GC: variants seen among roughly 807,000 people sequenced by gnomAD.
The protein encoded by GC is vitamin D-binding protein.
In GC, 43 loss-of-function variants were observed where a neutral mutation model predicts 56.7. The ratio of observed to expected loss-of-function variants is 0.76; its 90% CI spans 0.59 to 0.98. GC has a LOEUF of 0.98. Among genes scored for constraint, GC ranks in the 50% least tolerant of loss-of-function variants. The pLI is 0.00. For missense variants in GC, 529 were observed against 545.9 expected (o/e 0.97, Z 0.31); for synonymous variants, 216 against 202.7 (o/e 1.07, Z -0.56).
intron 4 of GC, 31 bp downstream of exon 4, chr4:71,765,401 C>G (rs201670774): frequency 6.4e-7 from 1 of 1,554,360 alleles, no homozygotes; most frequent in East Asian, 2.2e-5. Flanking sequence ...ACTTTAGGTC[C>G]TAAAGTTCTA....
At chr4:71,770,916 G>C (rs1448636835) in intron 1 of GC, among the ~76,000 whole-genome samples, 1 of 152,174 alleles carries the variant, frequency 6.6e-6, no homozygotes, top group Non-Finnish European at 1.5e-5. Context: ...GGAAGAGCTA[G>C]TTACTAATCA....
chr4:71,792,951 G>C (rs1403985450), intron 1 of GC, among the ~76,000 whole-genome samples: 4 of 152,138 alleles, frequency 2.6e-5, no homozygotes, highest in Admixed American at 1.3e-4. Flanking sequence ...TGTCTGGTTT[G>C]TCAAAGATCA....
intron 1 of GC, among the ~76,000 whole-genome samples, chr4:71,774,950 T>A (rs1312983730): frequency 6.6e-6 from 1 of 151,906 alleles, no homozygotes; most frequent in East Asian, 1.9e-4. Context: ...TTCATTATTA[T>A]TCATGCCTGT....
At chr4:71,784,193 T>C, upstream of GC, 2 of 1,306,406 alleles carry the variant, frequency 1.5e-6, no homozygotes, top group East Asian at 3.0e-5. Context: ...GGGGCTGTTA[T>C]CTTTGGCCCA....
intron 1 of GC, among the ~76,000 whole-genome samples, chr4:71,775,115 C>G (rs1236852448): frequency 6.7e-6 from 1 of 149,900 alleles, no homozygotes; most frequent in Non-Finnish European, 1.5e-5. Flanking sequence ...TTGAAAGACT[C>G]AGGCGCTTTG....
chr4:71,797,578 G>A (rs545731474), intron 1 of GC, among the ~76,000 whole-genome samples: 8 of 152,322 alleles, frequency 5.3e-5, no homozygotes, highest in East Asian at 1.9e-4. Context: ...ATTCTGTCAC[G>A]GCTTTCTTTG....
At chr4:71,748,669 C>T (rs141622030) in intron 11 of GC, among the ~76,000 whole-genome samples, 330 of 152,126 alleles carry the variant, frequency 2.2e-3, no homozygotes, top group Middle Eastern at 0.02. Context: ...AACAAATGAA[C>T]CACTTCTAAG....
At chr4:71,792,695 T>C (rs975438864) in intron 1 of GC, among the ~76,000 whole-genome samples, 5 of 152,242 alleles carry the variant, frequency 3.3e-5, no homozygotes, top group Non-Finnish European at 7.3e-5. Flanking sequence ...TTGACTTTTG[T>C]TGCCATAGCT....
intron 7 of GC, among the ~76,000 whole-genome samples, chr4:71,757,607 A>AAGG (rs1553947717): frequency 1.4e-5 from 2 of 142,622 alleles, no homozygotes; most frequent in Non-Finnish European, 3.2e-5. Context: ...CAATAATGAA[A>AAGG]ATGATCTGTA....
At chr4:71,777,598 T>A (rs1013715209) in intron 1 of GC, among the ~76,000 whole-genome samples, 1 of 149,424 alleles carries the variant, frequency 6.7e-6, no homozygotes, top group African/African-American at 2.5e-5. Flanking sequence ...TTATATTTTT[T>A]AAAATCTAGT....
At chr4:71,805,433 G>A (rs1340923375), upstream of GC, among the ~76,000 whole-genome samples, 2 of 152,180 alleles carry the variant, frequency 1.3e-5, no homozygotes, top group Non-Finnish European at 2.9e-5. Flanking sequence ...CTGGCTGAGT[G>A]ACTGATGAAA....
intron 1 of GC, among the ~76,000 whole-genome samples, chr4:71,793,878 T>G (rs902119523): frequency 6.6e-6 from 1 of 152,324 alleles, no homozygotes; most frequent in East Asian, 1.9e-4. Context: ...GCTGTTGAAT[T>G]TTGTCAAATG....
chr4:71,765,512 C>G lies in GC; in HGVS notation c.393G>C (p.Gln131His). 1 of 1,614,034 alleles carries G rather than the reference C, an allele frequency of 6.2e-7. No homozygotes were observed. Among genetic ancestry groups the G allele is most frequent in the Non-Finnish European group, 8.5e-7 (1 of 1,179,956 alleles). ...TGGGTTCCACGTAGGTAGGGAATTC[C>G]TGTGGCTGGTGTTTCAGAGCAGCCA... ...LCMAALKHQP[Q>H]EFPTYVEPTN... is the part of the protein sequence containing the mutation. Residue 131 changes from glutamine (Q) to histidine (H), a missense_variant, in exon 4 of 13, where the codon CAG (glutamine) becomes CAC (histidine). Gln to His is a conservative substitution (Grantham distance 24). Coordinates refer to ENST00000273951, the MANE Select transcript of GC (RefSeq NM_000583.4).
intron 1 of GC, among the ~76,000 whole-genome samples, chr4:71,772,022 A>G (rs568070291): frequency 1.9e-4 from 29 of 152,290 alleles, no homozygotes; most frequent in African/African-American, 7.0e-4. Flanking sequence ...CTGAAATGAA[A>G]GCAGCCTTTT....
intron 6 of GC, among the ~76,000 whole-genome samples, chr4:71,758,468 A>C (rs1361740117): frequency 6.6e-6 from 1 of 152,202 alleles, no homozygotes; most frequent in Non-Finnish European, 1.5e-5. Flanking sequence ...TCAATGAAGA[A>C]GTCACAAATG....
At chr4:71,763,382 A>G (rs1389768484) in intron 6 of GC, 26 bp downstream of exon 6, 1 of 1,226,574 alleles carries the variant, frequency 8.2e-7, no homozygotes, top group Non-Finnish European at 1.2e-6. Context: ...AAACATCTAA[A>G]TATGACAATA....
upstream of GC, chr4:71,804,134 G>T: frequency 8.2e-6 from 5 of 609,546 alleles, no homozygotes; most frequent in Admixed American, 1.4e-4. Flanking sequence ...CACAGACCCT[G>T]GCTGAGCAAT....
intron 9 of GC, 78 bp downstream of exon 9, chr4:71,754,900 G>T: frequency 1.1e-6 from 1 of 917,530 alleles, no homozygotes; most frequent in South Asian, 2.0e-5. Context: ...AGTAGGCAGT[G>T]AGCAAGTTTT....
intron 6 of GC, among the ~76,000 whole-genome samples, chr4:71,759,097 T>C (rs1741880056): frequency 1.3e-5 from 2 of 152,214 alleles, no homozygotes; most frequent in African/African-American, 2.4e-5. Flanking sequence ...AGGTTCATCC[T>C]TGTAGCACGT....
Sources: gnomAD v4.1 joint callset for allele counts (sites outside exome capture counted in the v4.1 genomes callset) on GRCh38, gnomAD v4.1.1 for gene constraint, MANE v1.5 for transcripts, NCBI Gene and HGNC (gene_info 2026-07-23, HGNC 2026-07-21) for gene names.